DES: variants seen among roughly 807,000 people sequenced by gnomAD.
The protein encoded by DES is cardiomyopathy, dilated 1F (autosomal dominant).
A neutral mutation model predicts 55.1 loss-of-function variants in DES; 34 were observed. The ratio of observed to expected loss-of-function variants is 0.62; its 90% confidence interval spans 0.47 to 0.82. The LOEUF (loss-of-function observed/expected upper bound fraction) is 0.82. Ranked by LOEUF, DES falls within the 40% of genes least tolerant of loss-of-function variation. DES has a pLI of 0.00. For synonymous variants in DES, 259 were observed against 270.8 expected, an observed-to-expected ratio of 0.96 and a Z score of 0.43; for missense variants, 596 against 645.9, an observed-to-expected ratio of 0.92 and a Z score of 0.84.
rs1954404974 is a variant in DES at position 219,420,085 on chromosome 2, T to TC, written c.579-7dup. ...CCGCAACTGTCTGTCTTTCTGTCTG[T>TC]CCCACCCAGGCTGCAGGAGGAGATT... is the stretch of plus-strand genomic sequence containing the variant. On this transcript the variant is annotated splice_polypyrimidine_tract_variant and intron_variant, in intron 1 of 8. Coordinates refer to ENST00000373960, the MANE Select transcript of DES (RefSeq NM_001927.4). The surrounding 1 kb of genome is among the most constrained non-coding windows in gnomAD (Gnocchi z 6.0). 6.2e-7 allele frequency: 1 copy of TC among 1,613,960 alleles called. No individual in the cohort carries two copies. Among genetic ancestry groups the TC allele is most frequent in the Non-Finnish European group, 8.5e-7 (1 of 1,179,994 alleles).
intron 7 of DES, 155 bp downstream of exon 7, chr2:219,423,975 G>A: frequency 1.3e-6 from 1 of 779,170 alleles, no homozygotes; most frequent in Non-Finnish European, 2.2e-6. Context: ...CGGGTAGGTG[G>A]GGGAGTTTAG....
At chr2:219,421,633 C>A in intron 6 of DES, 73 bp downstream of exon 6, 1 of 1,407,118 alleles carries the variant, frequency 7.1e-7, no homozygotes, top group Non-Finnish European at 9.8e-7. Context: ...CCAGGAGGCT[C>A]GAGATTACTG....
At chr2:219,421,749 C>T (rs1954449184) in intron 6 of DES, among the ~76,000 whole-genome samples, 189 bp downstream of exon 6, 1 of 152,112 alleles carries the variant, frequency 6.6e-6, no homozygotes, top group Non-Finnish European at 1.5e-5. Context: ...TCACTGCAAC[C>T]TCCGCCTCCT....
Position 219,419,951 on chromosome 2 carries a change from C to T in DES, c.579-144C>T. 1 of 841,532 alleles carries T rather than the reference C, an allele frequency of 1.2e-6. No homozygotes were observed. Among genetic ancestry groups the T allele is most frequent in the South Asian group, 1.4e-5 (1 of 69,550 alleles). 52.1% of individuals were successfully genotyped at this position (841,532 alleles called of 1,614,324 possible). A position where few individuals can be genotyped will look rare whatever the true frequency, so the allele number is the denominator to read the frequency against. ...CCTCCCTGGGTGGGTGGGGCCTCTC[C>T]ACTCCCTGTCTCTCCTGCCTCTACC... On this transcript the variant is annotated intron_variant, in intron 1 of 8. Transcript: ENST00000373960. This position sits in a 1 kb window ranked among gnomAD's most constrained non-coding sequence, Gnocchi z 4.3.
chr2:219,424,376 G>A (rs890454196), intron 7 of DES, among the ~76,000 whole-genome samples: 42 of 152,188 alleles, frequency 2.8e-4, no homozygotes, highest in Non-Finnish European at 5.4e-4. Flanking sequence ...TACGCAGATC[G>A]GGTGGCTTTC....
chr2:219,420,130 A>G lies in DES; in HGVS notation c.614A>G (p.Glu205Gly). ...QEEIQLKEEA[E>G]NNLAAFRADV... The stretch of plus-strand genomic sequence containing the variant: ...GAGATTCAGTTGAAGGAAGAAGCAG[A>G]GAACAATTTGGCTGCCTTCCGAGCG... Residue 205 changes from glutamate (E) to glycine (G), a missense_variant, in exon 2 of 9, where the codon GAG becomes GGG. Glu to Gly is a moderately conservative substitution (Grantham distance 98, BLOSUM62 -2). Coordinates refer to ENST00000373960, the MANE Select transcript of DES (RefSeq NM_001927.4). This position sits in a 1 kb window ranked among gnomAD's most constrained non-coding sequence, Gnocchi z 6.0. 1 of 1,614,248 alleles carries G rather than the reference A, an allele frequency of 6.2e-7. No homozygotes were observed. Among genetic ancestry groups the G allele is most frequent in the Non-Finnish European group, 8.5e-7 (1 of 1,180,044 alleles).
rs1386068029 is a variant in DES, at chr2:219,421,501, G to A, written c.1185G>A (p.Lys395=). 6.2e-7 allele frequency: 1 copy of A among 1,614,150 alleles called. No individual in the cohort carries two copies. ...LREYQDLLNV[K]MALDVEIATY... The stretch of plus-strand genomic sequence containing the variant: ...AGTACCAGGACCTGCTCAACGTGAA[G>A]ATGGCCCTGGATGTGGAGATTGCCA... Residue 395 remains lysine, a synonymous_variant, in exon 6 of 9, where the codon AAG becomes AAA. Transcript: ENST00000373960.
rs1954407646 is a variant in DES at position 219,420,159 on chromosome 2, A to G, written c.639+4A>G. 6.2e-7 allele frequency: 1 copy of G among 1,614,198 alleles called. No homozygotes were observed. Among genetic ancestry groups the G allele is most frequent in the Non-Finnish European group, 8.5e-7 (1 of 1,180,028 alleles). ...CAATTTGGCTGCCTTCCGAGCGGTG[A>G]GTGCCCTTCTTTTCCCCTTGCATGG... is the stretch of plus-strand genomic sequence containing the variant. On this transcript the variant is annotated splice_donor_region_variant and intron_variant, in intron 2 of 8. Transcript: ENST00000373960. This position sits in a 1 kb window ranked among gnomAD's most constrained non-coding sequence, Gnocchi z 6.0.
rs1427557970 is a variant in DES at position 219,423,790 on chromosome 2, A to C, written c.1258A>C (p.Ile420Leu). The change falls in exon 7 of 9, where the codon ATC becomes CTC. Residue 420 changes from isoleucine (I) to leucine (L), a missense_variant. Ile to Leu is a conservative substitution (Grantham distance 5, BLOSUM62 2). Transcript: ENST00000373960. ...CTTCCCTTTTAGGATCAATCTCCCC[A>C]TCCAGACCTACTCTGCCCTCAACTT... ...EGEESRINLPIQTYSALNFRE... is the reference protein window; with the variant it reads ...EGEESRINLPLQTYSALNFRE... The C allele has an allele frequency of 7.4e-6, 12 of 1,613,772 alleles. No individual in the cohort carries two copies. In the Admixed American group the frequency reaches 1.8e-4, roughly 25 times the overall value.
intron 7 of DES, 146 bp downstream of exon 7, chr2:219,423,966 G>A (rs1053554154): frequency 2.3e-5 from 19 of 834,784 alleles, no homozygotes; most frequent in South Asian, 9.9e-5. Context: ...GGACCACTGC[G>A]GGTAGGTGGG....
At chr2:219,421,597 G>A (rs1394530746) in intron 6 of DES, 37 bp downstream of exon 6, 1 of 1,594,978 alleles carries the variant, frequency 6.3e-7, no homozygotes, top group Non-Finnish European at 8.6e-7. Context: ...GGGAGGTGCG[G>A]GGTGCTGGGT....
rs71040455 is a variant in DES at position 219,422,463 on chromosome 2, C to CTTTTTTTTTTTTTT, written c.1244+909_1244+922dup. The stretch of plus-strand genomic sequence containing the variant: ...GTGGGATAACAGAAATGTTCTATAT[C>CTTTTTTTTTTTTTT]TTTTTTTTTTTTTTTTTTTGAGACA... On this transcript the variant is annotated intron_variant, in intron 6 of 8. Transcript: ENST00000373960. 1.0e-3 allele frequency among the ~76,000 whole-genome samples: 106 copies of CTTTTTTTTTTTTTT among 103,502 alleles called. 11 individuals are homozygous for CTTTTTTTTTTTTTT. Among genetic ancestry groups the CTTTTTTTTTTTTTT allele is most frequent in the African/African-American group, 2.9e-3 (73 of 25,086 alleles). The allele number at this position is 103,502 out of a possible 152,430, so 67.9% of individuals were successfully genotyped here. A position where few individuals can be genotyped will look rare whatever the true frequency, so the allele number is the denominator to read the frequency against.
Position 219,423,212 on chromosome 2 carries a change from G to A in DES, c.1245-565G>A, listed in dbSNP as rs146390806. On this transcript the variant is annotated intron_variant, in intron 6 of 8. Coordinates refer to ENST00000373960, the MANE Select transcript of DES (RefSeq NM_001927.4). ...AGGAAATCCTGGTGCTCTGGAGGGC[G>A]CGGTGGGGTTGCACATCCTAGTGTC... Among the ~76,000 whole-genome samples the A allele has an allele frequency of 9.7e-4, 148 of 152,282 alleles. 1 individual carries two copies. The highest frequency in any genetic ancestry group is 3.4e-3 in the African/African-American group (143 of 41,544).
chr2:219,424,098 C>G (rs189149691), intron 7 of DES, among the ~76,000 whole-genome samples: 1 of 152,236 alleles, frequency 6.6e-6, no homozygotes, highest in African/African-American at 2.4e-5. Flanking sequence ...AGGAAGCAGC[C>G]TCTGTTCTGA....
In DES at chr2:219,420,692, C is replaced by T; in HGVS notation, c.897+36C>T. ...TCGCCCGGGGACTGGCATCTCCGTCCCCCTGAATCCCAGCTTGGATGTGCT... is the reference window on the plus strand; with the variant it reads ...TCGCCCGGGGACTGGCATCTCCGTCTCCCTGAATCCCAGCTTGGATGTGCT... On this transcript the variant is annotated intron_variant, in intron 4 of 8. Transcript: ENST00000373960. The surrounding 1 kb of genome is among the most constrained non-coding windows in gnomAD (Gnocchi z 6.0). 1.2e-6 allele frequency: 2 copies of T among 1,613,950 alleles called. No homozygotes were observed. The highest frequency in any genetic ancestry group is 1.7e-6 in the Non-Finnish European group (2 of 1,179,974).
Position 219,423,661 on chromosome 2 carries a change from G to C in DES, c.1245-116G>C, listed in dbSNP as rs1242836191. The C allele has an allele frequency of 1.1e-5, 11 of 966,616 alleles. No homozygotes were observed. In the East Asian group the frequency reaches 2.3e-4, roughly 20 times the overall value. 59.9% of individuals were successfully genotyped at this position (966,616 alleles called of 1,614,324 possible). ...TCACTGTGTTAGCCAGGATGGTCTC[G>C]ATCTCCTGACCTGGTGATCCGCCCG... On this transcript the variant is annotated intron_variant, in intron 6 of 8. Transcript: ENST00000373960.
At chr2:219,422,122 A>T (rs1364167067) in intron 6 of DES, among the ~76,000 whole-genome samples, 1 of 152,238 alleles carries the variant, frequency 6.6e-6, no homozygotes, top group Non-Finnish European at 1.5e-5. Context: ...GCAGCAAAAA[A>T]AACCATATTC....
rs199972656 is a variant in DES, at chr2:219,418,480, G to A, written c.18G>A (p.Ser6=). 2.1e-4 allele frequency: 330 copies of A among 1,598,438 alleles called. 2 individuals are homozygous for A. In the African/African-American group the frequency reaches 3.8e-3, roughly 18 times the overall value. The change falls in exon 1 of 9, where the codon TCG becomes TCA. Residue 6 remains serine (S), a synonymous_variant. Transcript: ENST00000373960. The part of the protein sequence containing the change: MSQAY[S]SSQRVSSYRR... ...CCGTCACCATGAGCCAGGCCTACTC[G>A]TCCAGCCAGCGCGTGTCCTCCTACC...
chr2:219,420,638 G>A lies in DES; in HGVS notation c.879G>A (p.Glu293=), dbSNP rs1575014434. Residue 293 remains glutamate (E), a synonymous_variant, in exon 4 of 9, where the codon GAG becomes GAA. Transcript: ENST00000373960. This position sits in a 1 kb window ranked among gnomAD's most constrained non-coding sequence, Gnocchi z 6.0. ...TIAAKNISEA[E]EWYKSKVSDL... ...CGGCTAAGAACATTTCTGAAGCTGA[G>A]GAGTGGTACAAGTCGAAGGTGGGTG... 1 of 1,614,130 alleles carries A rather than the reference G, an allele frequency of 6.2e-7. No individual in the cohort carries two copies. The highest frequency in any genetic ancestry group is 1.1e-5 in the South Asian group (1 of 91,082).
Sources: gnomAD v4.1 joint callset for allele counts (sites outside exome capture counted in the v4.1 genomes callset) on GRCh38, gnomAD v4.1.1 for gene constraint, Gnocchi (gnomAD v3.1) non-coding constraint, MANE v1.5 for transcripts, NCBI Gene and HGNC (gene_info 2026-07-23, HGNC 2026-07-21) for gene names.